The following ADAMTS14 variants were observed in gnomAD, a reference collection of about 807,000 sequenced individuals.
The protein encoded by ADAMTS14 is A disintegrin and metalloproteinase with thrombospondin motifs 14.
Under a neutral mutation model 128.6 loss-of-function variants are expected in ADAMTS14, and 100 were observed. The ratio of observed to expected loss-of-function variants is 0.78; its 90% CI spans 0.66 to 0.92. The LOEUF (loss-of-function observed/expected upper bound fraction) is 0.92, where lower values mean the gene tolerates loss of function less well. Among genes scored for constraint, ADAMTS14 ranks in the 40% least tolerant of loss-of-function variants. ADAMTS14 has a pLI of 0.00. For synonymous variants in ADAMTS14, 665 were observed against 653.8 expected, an observed-to-expected ratio of 1.02 and a Z score of -0.26; for missense variants, 1,562 against 1,658.6, an observed-to-expected ratio of 0.94 and a Z score of 1.01.
Position 70,761,062 on chromosome 10 carries a change from C to T in ADAMTS14, c.*209C>T. 1.4e-6 allele frequency: 1 copy of T among 728,258 alleles called. No individual in the cohort carries two copies. Among genetic ancestry groups the T allele is most frequent in the Non-Finnish European group, 2.1e-6 (1 of 486,096 alleles). 45.1% of individuals were successfully genotyped at this position (728,258 alleles called of 1,614,324 possible). ...TCAGGGAAAGCCCTAATCGGAGATA[C>T]CTCAGCAAGCTGCCCCCGGCGGGAC... On this transcript the variant is annotated 3_prime_UTR_variant, in exon 22 of 22. Coordinates refer to ENST00000373207, the MANE Select transcript of ADAMTS14 (RefSeq NM_080722.4).
At chr10:70,759,967 G>T (rs1842566596) in intron 21 of ADAMTS14, among the ~76,000 whole-genome samples, 1 of 152,204 alleles carries the variant, frequency 6.6e-6, no homozygotes, top group Non-Finnish European at 1.5e-5. Context: ...GAAGGGCCAG[G>T]GTTCTCAGAT....
intron 19 of ADAMTS14, 114 bp from the exon 20 acceptor site, chr10:70,757,848 G>A: frequency 6.9e-7 from 1 of 1,449,936 alleles, no homozygotes; most frequent in South Asian, 1.4e-5. Flanking sequence ...GCTCTCCTTT[G>A]TACCCTTTCT....
rs1842520113 is a variant in ADAMTS14 at position 70,758,027 on chromosome 10, C to T, written c.3003C>T (p.Ser1001=). The change falls in exon 20 of 22, where the codon AGC becomes AGT. Residue 1001 remains serine (S), a synonymous_variant. Coordinates refer to ENST00000373207, the MANE Select transcript of ADAMTS14 (RefSeq NM_080722.4). The stretch of plus-strand genomic sequence containing the variant: ...TGGTGTGCAGGACCAACGCCAACAG[C>T]CTCGGGCATTGCGAGGGGGATAGGC... ...RQVVCRTNAN[S]LGHCEGDRPD... 6.2e-7 allele frequency: 1 copy of T among 1,613,600 alleles called. No homozygotes were observed. The highest frequency in any genetic ancestry group is 8.5e-7 in the Non-Finnish European group (1 of 1,179,936).
At chr10:70,701,527 A>G (rs1391967136) in intron 2 of ADAMTS14, among the ~76,000 whole-genome samples, 3 of 152,222 alleles carry the variant, frequency 2.0e-5, no homozygotes, top group African/African-American at 7.2e-5. Flanking sequence ...GCATATGCAG[A>G]CACACATACA....
At chr10:70,734,153 G>A (rs1209196892) in intron 8 of ADAMTS14, 125 bp downstream of exon 8, 6 of 1,280,740 alleles carry the variant, frequency 4.7e-6, no homozygotes, top group Middle Eastern at 2.3e-4. Context: ...GACTCATCTC[G>A]CCTCCCCGCC....
intron 2 of ADAMTS14, among the ~76,000 whole-genome samples, chr10:70,693,298 C>T (rs1397469870): frequency 6.6e-6 from 1 of 152,180 alleles, no homozygotes; most frequent in Non-Finnish European, 1.5e-5. Flanking sequence ...ACTCTATCAG[C>T]ATGTCAAAGA....
chr10:70,750,960 GCATA>G (rs1013069876), intron 16 of ADAMTS14, among the ~76,000 whole-genome samples: 2 of 152,106 alleles, frequency 1.3e-5, no homozygotes, highest in African/African-American at 4.8e-5. Flanking sequence ...GGCACTAAAA[GCATA>G]CACAGCAAAA....
At chr10:70,685,669 G>A (rs138168304) in intron 2 of ADAMTS14, among the ~76,000 whole-genome samples, 3 of 152,198 alleles carry the variant, frequency 2.0e-5, no homozygotes, top group Non-Finnish European at 4.4e-5. Flanking sequence ...TGTTCCTCTC[G>A]CAGTTCCAGG....
At chr10:70,688,203 G>A (rs1296440251) in intron 2 of ADAMTS14, among the ~76,000 whole-genome samples, 22 of 46,304 alleles carry the variant, frequency 4.8e-4, no homozygotes, top group Non-Finnish European at 5.5e-4. Context: ...TCTCGGCCGG[G>A]CAGAGGCGCT....
chr10:70,743,719 G>C lies in ADAMTS14; in HGVS notation c.2058+38G>C. On this transcript the variant is annotated intron_variant, in intron 13 of 21. Coordinates refer to ENST00000373207, the MANE Select transcript of ADAMTS14 (RefSeq NM_080722.4). ...CCAGCCACCCCGACTACCGGCACAG[G>C]GAGACTGGAGGGCTGCACTGTAGCC... is the stretch of plus-strand genomic sequence containing the variant. 4 of 1,528,490 alleles carry C rather than the reference G, an allele frequency of 2.6e-6. No homozygotes were observed. The South Asian group carries it at 5.2e-5, about 20-fold the overall frequency. The allele number at this position is 1,528,490 out of a possible 1,614,324, so 94.7% of individuals were successfully genotyped here.
Position 70,672,893 on chromosome 10 carries a change from G to T in ADAMTS14, c.82+9G>T. ...GGGCAGCCGGACCCCAGGTGCGTGC[G>T]GGTTGGGCGCGCGGGGGCCCGTGGG... On this transcript the variant is annotated intron_variant, in intron 1 of 21. Transcript: ENST00000373207. 1 of 1,465,594 alleles carries T rather than the reference G, an allele frequency of 6.8e-7. No homozygotes were observed. Among genetic ancestry groups the T allele is most frequent in the Non-Finnish European group, 9.0e-7 (1 of 1,116,240 alleles). The allele number at this position is 1,465,594 out of a possible 1,614,324, so 90.8% of individuals were successfully genotyped here.
intron 19 of ADAMTS14, among the ~76,000 whole-genome samples, chr10:70,757,105 C>T (rs867088891): frequency 6.6e-6 from 1 of 152,088 alleles, no homozygotes; most frequent in African/African-American, 2.4e-5. Flanking sequence ...AGGCTGTGGT[C>T]AGCATCTAAA....
intron 2 of ADAMTS14, among the ~76,000 whole-genome samples, chr10:70,677,025 C>A (rs976194580): frequency 6.6e-6 from 1 of 152,132 alleles, no homozygotes; most frequent in Non-Finnish European, 1.5e-5. Flanking sequence ...GGATGACCGT[C>A]GCTAATAATA....
intron 15 of ADAMTS14, among the ~76,000 whole-genome samples, chr10:70,745,986 G>A (rs995421714): frequency 2.6e-5 from 4 of 152,122 alleles, no homozygotes; most frequent in African/African-American, 9.7e-5. Context: ...ATGTTTTCTA[G>A]CGTCCCATTA....
At chr10:70,698,733 C>T (rs1005906249) in intron 2 of ADAMTS14, among the ~76,000 whole-genome samples, 5 of 152,180 alleles carry the variant, frequency 3.3e-5, no homozygotes, top group Admixed American at 1.3e-4. Context: ...CCTCAGATTA[C>T]GTAGGACAGG....
Position 70,758,040 on chromosome 10 carries a change from G to T in ADAMTS14, c.3016G>T (p.Glu1006Ter). ...RTNANSLGHCEGDRPDTVQVC... is the reference protein window; with the variant it reads ...RTNANSLGHC Reference sequence around the variant, plus strand: ...CAACGCCAACAGCCTCGGGCATTGCGAGGGGGATAGGCCAGACACTGTCCA... The same window carrying T: ...CAACGCCAACAGCCTCGGGCATTGCTAGGGGGATAGGCCAGACACTGTCCA... Residue 1006 changes from glutamate (E) to a stop codon, truncating the protein, a stop_gained, in exon 20 of 22, where the codon GAG becomes TAG. Coordinates refer to ENST00000373207, the MANE Select transcript of ADAMTS14 (RefSeq NM_080722.4). LOFTEE classifies it high-confidence loss of function. 1 of 1,613,700 alleles carries T rather than the reference G, an allele frequency of 6.2e-7. No individual in the cohort carries two copies. Among genetic ancestry groups the T allele is most frequent in the Non-Finnish European group, 8.5e-7 (1 of 1,179,900 alleles).
chr10:70,698,646 C>T (rs1335645986), intron 2 of ADAMTS14, among the ~76,000 whole-genome samples: 1 of 152,228 alleles, frequency 6.6e-6, no homozygotes, highest in Non-Finnish European at 1.5e-5. Flanking sequence ...GGACAAGGAC[C>T]ATCTCTGGGG....
intron 2 of ADAMTS14, among the ~76,000 whole-genome samples, chr10:70,693,576 C>A (rs1079351): frequency 0.22 from 34,107 of 152,162 alleles, 4,556 homozygotes; most frequent in Non-Finnish European, 0.3. Context: ...TCCTGAAGCA[C>A]AATGATGTTA....
Position 70,736,767 on chromosome 10 carries a change from G to T in ADAMTS14, c.1573G>T (p.Asp525Tyr). ...CAAGACCAAGAAGGGGCCCCCGCTG[G>T]ATGGGACTGAGTGTGCACCCGGCAA... ...FCKTKKGPPL[D>Y]GTECAPGKWC... The change falls in exon 10 of 22, where the codon GAT (aspartate) becomes TAT (tyrosine). Residue 525 changes from aspartate to tyrosine, a missense_variant. Physicochemically the swap from Asp to Tyr is radical, Grantham distance 160. Coordinates refer to ENST00000373207, the MANE Select transcript of ADAMTS14 (RefSeq NM_080722.4). 6.2e-7 allele frequency: 1 copy of T among 1,613,884 alleles called. No individual in the cohort carries two copies. Among genetic ancestry groups the T allele is most frequent in the Non-Finnish European group, 8.5e-7 (1 of 1,179,816 alleles).
Sources: allele counts gnomAD v4.1 joint callset (sites outside exome capture counted in the v4.1 genomes callset), GRCh38; gene constraint gnomAD v4.1.1; transcripts MANE v1.5; gene names NCBI Gene and HGNC (gene_info 2026-07-23, HGNC 2026-07-21).